AKAP13: variants seen among roughly 807,000 people sequenced by gnomAD.
AKAP13 encodes the protein A-kinase anchor protein 13.
AKAP13 carries 80 observed loss-of-function variants against 264.5 expected under a neutral mutation model. The observed-to-expected ratio is 0.30, with a 90% CI of 0.25 to 0.36. AKAP13 has a LOEUF of 0.36. Ranked by LOEUF, AKAP13 falls within the 10% of genes least tolerant of loss-of-function variation. The pLI, the probability that AKAP13 is intolerant of heterozygous loss-of-function variation, is 1.00. For missense variants in AKAP13, 3,712 were observed against 3,435.2 expected, an observed-to-expected ratio of 1.08 and a Z score of -2.01; for synonymous variants, 1,380 against 1,250.2, an observed-to-expected ratio of 1.10 and a Z score of -2.19.
chr15:85,408,516 C>G (rs1338104304), intron 1 of AKAP13, among the ~76,000 whole-genome samples: 5 of 151,652 alleles, frequency 3.3e-5, no homozygotes, highest in Admixed American at 2.6e-4. Context: ...AAATACTTTT[C>G]TACTTCCTGT....
At chr15:85,472,050 C>A (rs909122263) in intron 1 of AKAP13, among the ~76,000 whole-genome samples, 1 of 151,800 alleles carries the variant, frequency 6.6e-6, no homozygotes, top group African/African-American at 2.4e-5. Flanking sequence ...AGTATACAGG[C>A]CTTACACATT....
At position 85,741,340 on chromosome 15, in the gene AKAP13, A is replaced by G. The variant is rs1461092670; in HGVS notation, c.7903A>G (p.Lys2635Glu). 1.2e-6 allele frequency: 2 copies of G among 1,613,764 alleles called. No individual in the cohort carries two copies. The highest frequency in any genetic ancestry group is 2.2e-5 in the East Asian group (1 of 44,866). Residue 2635 changes from lysine (K) to glutamate (E), a missense_variant, in exon 35 of 37, where the codon AAG (lysine) becomes GAG (glutamate). This residue lies in a region of AKAP13 where 611 missense variants were observed against 539.3 expected (regional missense o/e 1.13). Coordinates refer to ENST00000394518, the MANE Select transcript of AKAP13 (RefSeq NM_007200.5). ...GCAGCAGGGGCAGCAGGACCTGGAA[A>G]AGGAGCGGGAGGAGCTCCAGCAGAA... Reference protein sequence around the residue: ...EVQQGQQDLEKEREELQQKKG... With the variant: ...EVQQGQQDLEEEREELQQKKG...
At chr15:85,531,881 G>A (rs746625364) in intron 3 of AKAP13, among the ~76,000 whole-genome samples, 1 of 152,150 alleles carries the variant, frequency 6.6e-6, no homozygotes, top group Non-Finnish European at 1.5e-5. Flanking sequence ...CTCCTCTTAG[G>A]CAGGGACTTA....
chr15:85,717,247 A>G lies in AKAP13; in HGVS notation c.5736-43A>G, dbSNP rs371024866. 10 of 1,302,138 alleles carry G rather than the reference A, an allele frequency of 7.7e-6. No homozygotes were observed. In the African/African-American group the frequency reaches 1.5e-4, roughly 19 times the overall value. 80.7% of individuals were successfully genotyped at this position (1,302,138 alleles called of 1,614,324 possible). A position where few individuals can be genotyped will look rare whatever the true frequency, so the allele number is the denominator to read the frequency against. ...CATTTAAGAATGCAAGCCATAGGTT[A>G]TCAGAATGTATTTGACAGTATGTAT... is the stretch of plus-strand genomic sequence containing the variant. On this transcript the variant is annotated intron_variant, in intron 20 of 36. Coordinates refer to ENST00000394518, the MANE Select transcript of AKAP13 (RefSeq NM_007200.5).
At chr15:85,714,133 TTTG>T (rs1417111197) in intron 19 of AKAP13, among the ~76,000 whole-genome samples, 2 of 152,210 alleles carry the variant, frequency 1.3e-5, no homozygotes, top group Non-Finnish European at 2.9e-5. Flanking sequence ...ATGCATTTTG[TTTG>T]TTATGTGTAT....
chr15:85,716,303 G>A (rs1397162459), intron 20 of AKAP13, among the ~76,000 whole-genome samples: 3 of 152,170 alleles, frequency 2.0e-5, no homozygotes, highest in Non-Finnish European at 4.4e-5. Context: ...TGTTGTTCAA[G>A]TAAACCTGGT....
At chr15:85,453,762 C>G (rs999758863) in intron 1 of AKAP13, among the ~76,000 whole-genome samples, 1 of 151,968 alleles carries the variant, frequency 6.6e-6, no homozygotes, top group Non-Finnish European at 1.5e-5. Context: ...CCCCTTCCTC[C>G]GGAAGCTTTG....
chr15:85,624,064 G>A (rs748727205), intron 8 of AKAP13, among the ~76,000 whole-genome samples: 27 of 152,188 alleles, frequency 1.8e-4, no homozygotes, highest in Non-Finnish European at 4.0e-4. Context: ...GAAACTGACT[G>A]TAAAATTAGT....
chr15:85,499,879 G>A (rs1272819696), intron 2 of AKAP13, among the ~76,000 whole-genome samples: 1 of 151,936 alleles, frequency 6.6e-6, no homozygotes, highest in African/African-American at 2.4e-5. Flanking sequence ...GTTCCTTGAG[G>A]GTAGGGGCTT....
intron 1 of AKAP13, among the ~76,000 whole-genome samples, chr15:85,381,163 G>A (rs1165326605): frequency 6.6e-6 from 1 of 152,090 alleles, no homozygotes; most frequent in East Asian, 1.9e-4. Flanking sequence ...CCTTGCCCCG[G>A]GTCCCCGGGT....
intron 3 of AKAP13, among the ~76,000 whole-genome samples, chr15:85,526,520 C>T (rs767639613): frequency 1.2e-4 from 18 of 152,164 alleles, no homozygotes; most frequent in Non-Finnish European, 1.0e-4. Flanking sequence ...ATCCTTCTGC[C>T]TCCACCTAGC....
intron 14 of AKAP13, among the ~76,000 whole-genome samples, chr15:85,678,450 A>G (rs920549305): frequency 2.6e-5 from 4 of 152,218 alleles, no homozygotes; most frequent in African/African-American, 9.6e-5. Context: ...TTCACTAATA[A>G]AAGATGTTTG....
intron 4 of AKAP13, among the ~76,000 whole-genome samples, chr15:85,542,746 T>G (rs1445841642): frequency 6.6e-6 from 1 of 152,130 alleles, no homozygotes. Context: ...AGGAAGAGAG[T>G]ATTGCTAGTG....
In AKAP13 at chr15:85,684,752, A is replaced by T; in HGVS notation, c.5168A>T (p.Glu1723Val). The T allele has an allele frequency of 6.2e-7, 1 of 1,612,250 alleles. No individual in the cohort carries two copies. The highest frequency in any genetic ancestry group is 1.1e-5 in the South Asian group (1 of 90,898). ...TTGTTTTTATTTAGTATAACAGAAG[A>T]GAACTATAATTTCCTGCCACATAGC... ...SANLTESITEENYNFLPHSPS... is the reference protein window; with the variant it reads ...SANLTESITEVNYNFLPHSPS... The change falls in exon 16 of 37, where the codon GAG (glutamate) becomes GTG (valine). Residue 1723 changes from glutamate (E) to valine (V), a missense_variant. Glu to Val is a moderately radical substitution (Grantham distance 121). Around this residue, in one of 3 missense-constraint regions of AKAP13, gnomAD observed 2,759 missense variants for 2,411.7 expected, o/e 1.14. Coordinates refer to ENST00000394518, the MANE Select transcript of AKAP13 (RefSeq NM_007200.5).
At chr15:85,665,845 C>T (rs1596977261) in intron 13 of AKAP13, among the ~76,000 whole-genome samples, 1 of 152,300 alleles carries the variant, frequency 6.6e-6, no homozygotes, top group Middle Eastern at 3.4e-3. Flanking sequence ...CATCTCCCTG[C>T]AAAGGACATG....
At chr15:85,583,080 A>G in intron 7 of AKAP13, 2 of 985,464 alleles carry the variant, frequency 2.0e-6, no homozygotes, top group Non-Finnish European at 2.4e-6. Flanking sequence ...TTTAAAGGTC[A>G]GTTTGATGCA....
At chr15:85,458,246 A>T (rs563200067) in intron 1 of AKAP13, among the ~76,000 whole-genome samples, 1 of 152,026 alleles carries the variant, frequency 6.6e-6, no homozygotes, top group Non-Finnish European at 1.5e-5. Context: ...GAAATTCTGA[A>T]ATATGTAGAC....
intron 1 of AKAP13, among the ~76,000 whole-genome samples, chr15:85,455,023 A>G (rs889118594): frequency 2.7e-4 from 41 of 152,286 alleles, no homozygotes; most frequent in Non-Finnish European, 2.2e-4. Context: ...GTTTCAGTGA[A>G]GGACCTGGGT....
intron 33 of AKAP13, 69 bp from the exon 34 acceptor site, chr15:85,740,153 C>A: frequency 6.6e-7 from 1 of 1,515,366 alleles, no homozygotes; most frequent in Non-Finnish European, 9.2e-7. Flanking sequence ...ATCAGGTAAA[C>A]ATTAGTGTGA....
Sources: gnomAD v4.1 joint callset for allele counts (sites outside exome capture counted in the v4.1 genomes callset) on GRCh38, gnomAD v4.1.1 for gene constraint, gnomAD v4.1.1 regional missense constraint, MANE v1.5 for transcripts, NCBI Gene and HGNC (gene_info 2026-07-23, HGNC 2026-07-21) for gene names.